Variants in SERPINF1 observed in about 807,000 individuals in gnomAD.
SERPINF1 encodes pigment epithelium-derived factor.
SERPINF1 carries 29 observed loss-of-function variants against 37.3 expected under a neutral mutation model. The observed-to-expected ratio is 0.78, with a 90% CI of 0.58 to 1.06. The LOEUF is 1.06. Among genes scored for constraint, SERPINF1 ranks in the 50% least tolerant of loss-of-function variants. The pLI, the probability that SERPINF1 is intolerant of heterozygous loss-of-function variation, is 0.00. For synonymous variants in SERPINF1, 281 were observed against 227.9 expected (o/e 1.23, Z -2.10); for missense variants, 553 against 532.2 (o/e 1.04, Z -0.38).
At chr17:1,772,118 T>G (rs1456394248) in intron 5 of SERPINF1, 43 bp downstream of exon 5, 1 of 1,573,586 alleles carries the variant, frequency 6.4e-7, no homozygotes, top group Non-Finnish European at 8.7e-7. Context: ...TTACTGTATT[T>G]TAACTAATTA....
intron 1 of SERPINF1, among the ~76,000 whole-genome samples, chr17:1,764,525 C>G (rs577320921): frequency 1.3e-5 from 2 of 152,274 alleles, no homozygotes; most frequent in African/African-American, 4.8e-5. Context: ...ACGCAGAGGT[C>G]TGCGGCTCGA....
At chr17:1,767,560 T>C (rs1373680473) in intron 2 of SERPINF1, among the ~76,000 whole-genome samples, 1 of 152,152 alleles carries the variant, frequency 6.6e-6, no homozygotes, top group Admixed American at 6.5e-5. Context: ...TGGAGTGACC[T>C]CTCTCCTGCC....
At position 1,776,657 on chromosome 17, in the gene SERPINF1, A is replaced by C; in HGVS notation, c.912A>C (p.Glu304Asp). 2 of 1,613,952 alleles carry C rather than the reference A, an allele frequency of 1.2e-6. No individual in the cohort carries two copies. Among genetic ancestry groups the C allele is most frequent in the South Asian group, 2.2e-5 (2 of 91,054 alleles). The part of the protein sequence containing the change: ...TSEFIHDIDR[E>D]LKTVQAVLTV... ...AGTTCATTCATGACATAGACCGAGA[A>C]CTGAAGACCGTGCAGGCGGTCCTCA... Residue 304 changes from glutamate to aspartate, a missense_variant, in exon 7 of 8, where the codon GAA (glutamate) becomes GAC (aspartate). Glu to Asp is a conservative substitution (Grantham distance 45). Coordinates refer to ENST00000254722, the MANE Select transcript of SERPINF1 (RefSeq NM_002615.7).
At chr17:1,771,243 G>C (rs1157450731) in intron 4 of SERPINF1, 59 bp downstream of exon 4, 2 of 1,521,592 alleles carry the variant, frequency 1.3e-6, no homozygotes, top group Non-Finnish European at 1.8e-6. Context: ...CTGCAGGCTG[G>C]GGGGGTCTTT....
At chr17:1,770,452 C>CTTT (rs35913837) in intron 3 of SERPINF1, 71 of 162,272 alleles carry the variant, frequency 4.4e-4, no homozygotes, top group South Asian at 9.9e-4. Context: ...ACAGAATAGT[C>CTTT]TTTTTTTTTT....
chr17:1,769,789 A>G (rs1420657358), intron 2 of SERPINF1, 63 bp from the exon 3 acceptor site: 6 of 1,562,468 alleles, frequency 3.8e-6, no homozygotes, highest in Non-Finnish European at 5.3e-6. Flanking sequence ...CCGTGAGGAG[A>G]CAGTCCCTGT....
intron 1 of SERPINF1, among the ~76,000 whole-genome samples, chr17:1,765,542 G>C (rs1597346198): frequency 2.6e-5 from 4 of 151,046 alleles, no homozygotes; most frequent in Admixed American, 6.6e-5. Flanking sequence ...GGCTGGTCTC[G>C]AACTCCTGAC....
At chr17:1,776,774 G>C (rs1187646166) in intron 7 of SERPINF1, 32 bp downstream of exon 7, 2 of 1,603,682 alleles carry the variant, frequency 1.2e-6, no homozygotes, top group Non-Finnish European at 1.7e-6. Context: ...CTCTTGGTGG[G>C]TGGATGGGGT....
At chr17:1,775,242 G>A in intron 6 of SERPINF1, 42 bp downstream of exon 6, 4 of 1,594,236 alleles carry the variant, frequency 2.5e-6, no homozygotes, top group Non-Finnish European at 3.4e-6. Flanking sequence ...GATGGAGGGA[G>A]AGGATAGAGA....
At chr17:1,770,507 T>C (rs1323233846) in intron 3 of SERPINF1, 1 of 209,410 alleles carries the variant, frequency 4.8e-6, no homozygotes, top group Non-Finnish European at 9.7e-6. Flanking sequence ...TCGCCAAGGC[T>C]GGAGTGCAGT....
chr17:1,771,727 A>T, intron 4 of SERPINF1, 145 bp from the exon 5 acceptor site: 1 of 775,168 alleles, frequency 1.3e-6, no homozygotes. Context: ...ATGCCAGCAG[A>T]AGTCCTGGCA....
At position 1,771,228 on chromosome 17, in the gene SERPINF1, C is replaced by A; in HGVS notation, c.439+44C>A. The A allele has an allele frequency of 1.9e-6, 3 of 1,595,568 alleles. No homozygotes were observed. The South Asian group carries it at 3.3e-5, about 18-fold the overall frequency. On this transcript the variant is annotated intron_variant, in intron 4 of 7. Transcript: ENST00000254722. ...CCAAGTTGCCTGAGGCATGTGGGCT[C>A]CATGCTGCAGGCTGGGGGGGTCTTT...
chr17:1,765,970 TG>T (rs891259993), intron 1 of SERPINF1, among the ~76,000 whole-genome samples: 2 of 150,242 alleles, frequency 1.3e-5, no homozygotes, highest in Non-Finnish European at 3.0e-5. Context: ...AAGGGAACTG[TG>T]GGAGAAGGGA....
chr17:1,767,863 C>T (rs1191372641), intron 2 of SERPINF1, among the ~76,000 whole-genome samples: 3 of 152,198 alleles, frequency 2.0e-5, no homozygotes, highest in Admixed American at 6.5e-5. Context: ...ATTTATTTCT[C>T]ATCTACCAAA....
At chr17:1,770,264 A>G (rs1468240127) in intron 3 of SERPINF1, among the ~76,000 whole-genome samples, 1 of 152,084 alleles carries the variant, frequency 6.6e-6, no homozygotes, top group Non-Finnish European at 1.5e-5. Context: ...CACCACTGAC[A>G]TGGCGCTTGG....
Position 1,771,876 on chromosome 17 carries a change from G to A in SERPINF1, c.444G>A (p.Leu148=). 6.2e-7 allele frequency: 1 copy of A among 1,612,176 alleles called. No homozygotes were observed. Among genetic ancestry groups the A allele is most frequent in the Non-Finnish European group, 8.5e-7 (1 of 1,179,846 alleles). Residue 148 remains leucine (L), a synonymous_variant, in exon 5 of 8, where the codon CTG becomes CTA. Coordinates refer to ENST00000254722, the MANE Select transcript of SERPINF1 (RefSeq NM_002615.7). ...SASRIVFEKK[L]RIKSSFVAPL... is the part of the protein sequence containing the mutation. ...CTCTGCTCCGCCTCTTCTCAGAGCT[G>A]CGCATAAAATCCAGCTTTGTGGCAC...
intron 5 of SERPINF1, among the ~76,000 whole-genome samples, chr17:1,772,745 A>T (rs1374758712): frequency 6.7e-6 from 1 of 149,200 alleles, no homozygotes; most frequent in Non-Finnish European, 1.5e-5. Context: ...TTTTTAGTAG[A>T]GACGGGGTTT....
rs1908051764 is a variant in SERPINF1 at position 1,776,676 on chromosome 17, G to A, written c.931G>A (p.Val311Ile). 2 of 1,613,422 alleles carry A rather than the reference G, an allele frequency of 1.2e-6. No homozygotes were observed. The highest frequency in any genetic ancestry group is 1.7e-6 in the Non-Finnish European group (2 of 1,179,742). ...CCGAGAACTGAAGACCGTGCAGGCG[G>A]TCCTCACTGTCCCCAAGCTGAAGCT... ...IDRELKTVQA[V>I]LTVPKLKLSY... Residue 311 changes from valine (V) to isoleucine (I), a missense_variant, in exon 7 of 8, where the codon GTC (valine) becomes ATC (isoleucine). Transcript: ENST00000254722.
In SERPINF1 at chr17:1,770,045, C is replaced by T. The variant is rs369973630; in HGVS notation, c.278C>T (p.Ser93Leu). The T allele has an allele frequency of 3.3e-5, 53 of 1,614,032 alleles. No individual in the cohort carries two copies. Among genetic ancestry groups the T allele is most frequent in the African/African-American group, 2.3e-4 (17 of 74,944 alleles). Residue 93 changes from serine to leucine, a missense_variant, in exon 3 of 8, where the codon TCG becomes TTG. Coordinates refer to ENST00000254722, the MANE Select transcript of SERPINF1 (RefSeq NM_002615.7). ...GTGGCCACGGCCCTCTCGGCCCTCT[C>T]GCTGGGTGAGTGCTCAGATGCAGGA... ...LSVATALSAL[S>L]LGAEQRTESI...
Sources: gnomAD v4.1 joint callset for allele counts (sites outside exome capture counted in the v4.1 genomes callset) on GRCh38, gnomAD v4.1.1 for gene constraint, MANE v1.5 for transcripts, NCBI Gene and HGNC (gene_info 2026-07-23, HGNC 2026-07-21) for gene names.